Variants in ZNF676 observed in about 807,000 individuals in gnomAD.
The protein encoded by ZNF676 is zinc finger protein 676.
Under a neutral mutation model 6.0 loss-of-function variants are expected in ZNF676, and 4 were observed. The observed-to-expected ratio is 0.67, with a 90% confidence interval of 0.33 to 1.53. The LOEUF is 1.53. Ranked by LOEUF, ZNF676 falls within the 40% of genes most tolerant of loss-of-function variation. The probability of loss-of-function intolerance (pLI) is 0.06; values close to 1 mark genes in which losing one functional copy is unlikely to be tolerated. For synonymous variants in ZNF676, 198 were observed against 223.1 expected (o/e 0.89, Z 1.00); for missense variants, 644 against 679.7 (o/e 0.95, Z 0.58).
At chr19:22,252,478 C>T in the ZNF676 span, among the ~76,000 whole-genome samples, 3 of 150,636 alleles carry the variant, frequency 2.0e-5, no homozygotes, top group Non-Finnish European at 4.4e-5. Flanking sequence ...GCGCTGGGCC[C>T]AGAGATACTC....
chr19:22,206,400 C>A (rs551595903), intron 1 of ZNF676, among the ~76,000 whole-genome samples: 1 of 152,180 alleles, frequency 6.6e-6, no homozygotes, highest in African/African-American at 2.4e-5. Context: ...CAGCTGGGCC[C>A]GGTGGCTCAT....
intron 1 of ZNF676, among the ~76,000 whole-genome samples, chr19:22,202,426 C>T (rs769237083): frequency 6.6e-6 from 1 of 152,234 alleles, no homozygotes; most frequent in African/African-American, 2.4e-5. Context: ...GCATGCACTT[C>T]GCAGCACAAT....
chr19:22,246,948 T>A, the ZNF676 span, among the ~76,000 whole-genome samples: 1 of 152,364 alleles, frequency 6.6e-6, no homozygotes, highest in South Asian at 2.1e-4. Flanking sequence ...TTTACTTCTC[T>A]AATAAACTTG....
the ZNF676 span, among the ~76,000 whole-genome samples, chr19:22,251,923 T>C: frequency 2.6e-5 from 4 of 152,252 alleles, no homozygotes; most frequent in Admixed American, 6.5e-5. Flanking sequence ...TATTTTACTT[T>C]ACTTGGGATA....
the ZNF676 span, chr19:22,259,615 T>G: frequency 1.3e-5 from 2 of 152,140 alleles, no homozygotes; most frequent in Non-Finnish European, 2.9e-5. Flanking sequence ...CACAGAAATA[T>G]TACATTCTCT....
chr19:22,186,238 A>G (rs1196701149), intron 2 of ZNF676, among the ~76,000 whole-genome samples: 2 of 152,194 alleles, frequency 1.3e-5, no homozygotes, highest in African/African-American at 2.4e-5. Flanking sequence ...ACATTCTTAA[A>G]GATAGGAATT....
intron 1 of ZNF676, among the ~76,000 whole-genome samples, chr19:22,214,956 G>T (rs1376385531): frequency 6.7e-6 from 1 of 150,360 alleles, no homozygotes; most frequent in East Asian, 2.0e-4. Flanking sequence ...CAGGAGAATG[G>T]CGTGAACCCG....
At chr19:22,238,932 C>T in the ZNF676 span, among the ~76,000 whole-genome samples, 1 of 152,178 alleles carries the variant, frequency 6.6e-6, no homozygotes, top group Non-Finnish European at 1.5e-5. Flanking sequence ...GGTGAGTCTG[C>T]CTTTTCCAGC....
the ZNF676 span, among the ~76,000 whole-genome samples, chr19:22,253,404 G>GTGTGTATATATATA: frequency 2.3e-3 from 224 of 96,980 alleles, 1 homozygote; most frequent in Admixed American, 3.8e-3. Flanking sequence ...ATGATAATGT[G>GTGTGTATATATATA]TATATATATA....
At chr19:22,195,955 T>C (rs962511470) in intron 1 of ZNF676, among the ~76,000 whole-genome samples, 20 of 152,308 alleles carry the variant, frequency 1.3e-4, no homozygotes, top group African/African-American at 4.8e-4. Context: ...CTTGGACCTA[T>C]CTAAAGCACC....
intron 1 of ZNF676, among the ~76,000 whole-genome samples, chr19:22,207,279 T>A (rs985322818): frequency 1.3e-5 from 2 of 152,202 alleles, no homozygotes; most frequent in Non-Finnish European, 2.9e-5. Context: ...CAAAAATTAG[T>A]AGCAACCCTA....
At chr19:22,193,157 A>T (rs1286111662) in intron 1 of ZNF676, 46 bp from the exon 2 acceptor site, 1 of 1,529,548 alleles carries the variant, frequency 6.5e-7, no homozygotes, top group East Asian at 2.4e-5. Flanking sequence ...CATATTCTCC[A>T]ATTACCAACT....
At chr19:22,244,908 G>A in the ZNF676 span, 2 of 152,226 alleles carry the variant, frequency 1.3e-5, no homozygotes, top group Admixed American at 6.5e-5. Context: ...TCACCTAAGT[G>A]CTGGATCCAG....
intron 2 of ZNF676, among the ~76,000 whole-genome samples, chr19:22,184,661 G>A (rs1038414043): frequency 6.6e-6 from 1 of 151,730 alleles, no homozygotes; most frequent in African/African-American, 2.4e-5. Context: ...AGCTTGACCT[G>A]GGAAGCTCGA....
At chr19:22,235,219 T>G in the ZNF676 span, among the ~76,000 whole-genome samples, 34 of 152,290 alleles carry the variant, frequency 2.2e-4, no homozygotes, top group African/African-American at 8.2e-4. Context: ...TGCCAAAGGC[T>G]GCAAATAGCA....
At chr19:22,245,825 G>A in the ZNF676 span, among the ~76,000 whole-genome samples, 1 of 152,088 alleles carries the variant, frequency 6.6e-6, no homozygotes, top group Admixed American at 6.6e-5. Context: ...CATATCCAGG[G>A]CTCAAGCAGG....
At chr19:22,221,173 T>A in the ZNF676 span, among the ~76,000 whole-genome samples, 1 of 152,156 alleles carries the variant, frequency 6.6e-6, no homozygotes, top group Non-Finnish European at 1.5e-5. Flanking sequence ...TCAGGTTGTT[T>A]ATTGTGGTTT....
intron 1 of ZNF676, among the ~76,000 whole-genome samples, chr19:22,205,240 G>A (rs1486249394): frequency 6.6e-6 from 1 of 152,092 alleles, no homozygotes; most frequent in Non-Finnish European, 1.5e-5. Flanking sequence ...CACTAATGGA[G>A]AGATCATTGA....
At chr19:22,252,074 C>T in the ZNF676 span, among the ~76,000 whole-genome samples, 1 of 152,132 alleles carries the variant, frequency 6.6e-6, no homozygotes, top group African/African-American at 2.4e-5. Context: ...GAACTCAAGA[C>T]TTATAAATGA....
Sources: gnomAD v4.1 joint callset for allele counts (sites outside exome capture counted in the v4.1 genomes callset) on GRCh38, gnomAD v4.1.1 for gene constraint, MANE v1.5 for transcripts, NCBI Gene and HGNC (gene_info 2026-07-23, HGNC 2026-07-21) for gene names.